DAB1: variants seen among roughly 807,000 people sequenced by gnomAD.
DAB1 encodes the protein DAB adaptor protein 1, also known as disabled homolog 1.
DAB1 carries 15 observed loss-of-function variants against 64.6 expected under a neutral mutation model. The observed-to-expected ratio is 0.23, with a 90% CI of 0.16 to 0.36. The LOEUF is 0.36. DAB1 is among the 10% of genes least tolerant of loss of function. The pLI is 1.00. For synonymous variants in DAB1, 235 were observed against 251.9 expected, an observed-to-expected ratio of 0.93 and a Z score of 0.64; for missense variants, 596 against 706.7, an observed-to-expected ratio of 0.84 and a Z score of 1.78.
At chr1:57,084,918 CT>C (rs1425525050) in intron 4 of DAB1, among the ~76,000 whole-genome samples, 2 of 152,156 alleles carry the variant, frequency 1.3e-5, no homozygotes, top group African/African-American at 4.8e-5. Flanking sequence ...AATTGTTTCT[CT>C]TACACTAATT....
intron 4 of DAB1, among the ~76,000 whole-genome samples, chr1:57,091,847 G>A (rs1653708087): frequency 6.6e-6 from 1 of 152,192 alleles, no homozygotes. Context: ...TAAGTGTGTG[G>A]TTTTTGTTTG....
intron 4 of DAB1, among the ~76,000 whole-genome samples, chr1:57,101,824 T>G (rs1416602192): frequency 6.6e-6 from 1 of 152,222 alleles, no homozygotes; most frequent in Non-Finnish European, 1.5e-5. Context: ...TCAACAGTTC[T>G]AACTTTATGA....
At chr1:57,664,560 A>C (rs1646424990) in intron 6 of DAB1, among the ~76,000 whole-genome samples, 1 of 152,154 alleles carries the variant, frequency 6.6e-6, no homozygotes, top group Non-Finnish European at 1.5e-5. Flanking sequence ...ATTTGATAAT[A>C]TGTAATAAAA....
chr1:57,059,030 G>T (rs1442494308), intron 9 of DAB1, among the ~76,000 whole-genome samples: 1 of 152,184 alleles, frequency 6.6e-6, no homozygotes, highest in Non-Finnish European at 1.5e-5. Flanking sequence ...TTGGGGTAAG[G>T]AAGGCTTTCC....
intron 5 of DAB1, among the ~76,000 whole-genome samples, chr1:57,906,288 A>T (rs1366852837): frequency 2.0e-5 from 3 of 152,216 alleles, no homozygotes; most frequent in Non-Finnish European, 2.9e-5. Context: ...TAAATGCCTC[A>T]TATATTTTGA....
At chr1:57,912,787 T>C (rs1644666491) in intron 5 of DAB1, among the ~76,000 whole-genome samples, 1 of 152,150 alleles carries the variant, frequency 6.6e-6, no homozygotes, top group African/African-American at 2.4e-5. Context: ...CAAGTATTCT[T>C]ATACACCAAT....
chr1:57,586,306 C>A lies in DAB1; in HGVS notation n.625+63286G>T, dbSNP rs565647876. ...TAAAATTCAGCTCACCTCTCCCTCT[C>A]CTGAAGCCCAAGGCTGGGTGAATTG... is the stretch of plus-strand genomic sequence containing the variant. On this transcript the variant is annotated intron_variant and non_coding_transcript_variant, in intron 7 of 20. Coordinates refer to the DAB1 transcript ENST00000485760. 2.6e-5 allele frequency among the ~76,000 whole-genome samples: 4 copies of A among 152,288 alleles called. No homozygotes were observed. In the South Asian group the frequency reaches 6.2e-4, roughly 24 times the overall value.
chr1:57,428,401 G>A (rs929592037), upstream of DAB1, among the ~76,000 whole-genome samples: 7 of 152,140 alleles, frequency 4.6e-5, no homozygotes, highest in African/African-American at 1.7e-4. Context: ...ATACAAATGA[G>A]AACATGCAGT....
At chr1:57,154,527 T>TA in intron 2 of DAB1, among the ~76,000 whole-genome samples, 1 of 152,374 alleles carries the variant, frequency 6.6e-6, no homozygotes, top group East Asian at 1.9e-4. Flanking sequence ...ATCTCTTTGA[T>TA]ATACTGATTT....
intron 7 of DAB1, among the ~76,000 whole-genome samples, chr1:57,618,269 G>C (rs1645813090): frequency 6.6e-6 from 1 of 152,074 alleles, no homozygotes; most frequent in African/African-American, 2.4e-5. Flanking sequence ...ACAAAAATTA[G>C]CTGGGCATGG....
intron 7 of DAB1, among the ~76,000 whole-genome samples, chr1:57,491,683 T>C (rs1644167518): frequency 6.6e-6 from 1 of 151,960 alleles, no homozygotes; most frequent in African/African-American, 2.4e-5. Flanking sequence ...AGGAATGAGG[T>C]CTACATGAGA....
chr1:58,340,075 T>C (rs981653261), intron 4 of DAB1, among the ~76,000 whole-genome samples: 7 of 152,122 alleles, frequency 4.6e-5, no homozygotes, highest in Admixed American at 4.6e-4. Flanking sequence ...GTAAAAGTTG[T>C]AAAAAATAAG....
At chr1:57,780,024 G>A (rs564968137) in intron 6 of DAB1, among the ~76,000 whole-genome samples, 6 of 152,228 alleles carry the variant, frequency 3.9e-5, no homozygotes, top group South Asian at 2.1e-4. Context: ...AGAAAAAGTC[G>A]TACTTAATTA....
At chr1:57,820,084 C>T (rs959789760) in intron 6 of DAB1, among the ~76,000 whole-genome samples, 3 of 152,144 alleles carry the variant, frequency 2.0e-5, no homozygotes, top group Admixed American at 1.3e-4. Context: ...CAATTACCTC[C>T]ATTAACAGAA....
chr1:57,106,829 A>C (rs1488325282), intron 4 of DAB1, among the ~76,000 whole-genome samples: 1 of 152,184 alleles, frequency 6.6e-6, no homozygotes, highest in Non-Finnish European at 1.5e-5. Context: ...CAAGACTCAC[A>C]GATTGATAGA....
At chr1:57,468,344 TC>T (rs1218513553) in intron 7 of DAB1, among the ~76,000 whole-genome samples, 1 of 152,170 alleles carries the variant, frequency 6.6e-6, no homozygotes, top group Non-Finnish European at 1.5e-5. Context: ...TTATGAGAGT[TC>T]CTTGTGGAAC....
At chr1:57,699,715 C>T (rs1271163922) in intron 6 of DAB1, among the ~76,000 whole-genome samples, 1 of 151,980 alleles carries the variant, frequency 6.6e-6, no homozygotes, top group Non-Finnish European at 1.5e-5. Context: ...AAGATTGAGG[C>T]CATCCTGGCC....
intron 9 of DAB1, among the ~76,000 whole-genome samples, chr1:57,044,721 C>A (rs997507238): frequency 6.6e-6 from 1 of 152,158 alleles, no homozygotes; most frequent in Admixed American, 6.5e-5. Flanking sequence ...TTAGTAAGGT[C>A]ACGGGTGGTT....
At chr1:58,476,470 G>C (rs1040499553) in intron 3 of DAB1, among the ~76,000 whole-genome samples, 11 of 152,162 alleles carry the variant, frequency 7.2e-5, no homozygotes, top group African/African-American at 2.7e-4. Context: ...TGCACGCAGA[G>C]CCAGTTAATG....
Sources: gnomAD v4.1 joint callset for allele counts (sites outside exome capture counted in the v4.1 genomes callset) on GRCh38, gnomAD v4.1.1 for gene constraint, MANE v1.5 for transcripts, NCBI Gene and HGNC (gene_info 2026-07-23, HGNC 2026-07-21) for gene names.